ECPAS: variants seen among roughly 807,000 people sequenced by gnomAD.
The protein encoded by ECPAS is proteasome adapter and scaffold protein ECM29.
ECPAS carries 70 observed loss-of-function variants against 255.1 expected under a neutral mutation model. The observed-to-expected ratio is 0.27, with a 90% CI of 0.23 to 0.33. ECPAS has a LOEUF of 0.33. ECPAS is among the 10% of genes least tolerant of loss of function. The pLI is 1.00. For missense variants in ECPAS, 1,817 were observed against 2,206.4 expected (o/e 0.82, Z 3.54); for synonymous variants, 784 against 775.0 (o/e 1.01, Z -0.19).
At chr9:111,432,004 TTAG>T (rs1269667641) in intron 8 of ECPAS, among the ~76,000 whole-genome samples, 1 of 152,210 alleles carries the variant, frequency 6.6e-6, no homozygotes, top group African/African-American at 2.4e-5. Flanking sequence ...AACTAAAAAC[TTAG>T]TAGTAATTAA....
chr9:111,367,255 G>C (rs1023516205), intron 46 of ECPAS, among the ~76,000 whole-genome samples: 4 of 152,016 alleles, frequency 2.6e-5, no homozygotes, highest in African/African-American at 9.7e-5. Context: ...AATGGGGGGA[G>C]GCAATAAAAA....
intron 30 of ECPAS, 30 bp from the exon 31 acceptor site, chr9:111,389,753 T>C: frequency 6.3e-7 from 1 of 1,576,500 alleles, no homozygotes; most frequent in Non-Finnish European, 8.6e-7. Context: ...GTGACTCAGA[T>C]GCACCATTAT....
intron 23 of ECPAS, among the ~76,000 whole-genome samples, chr9:111,409,707 T>C (rs1238540704): frequency 6.7e-6 from 1 of 150,028 alleles, no homozygotes; most frequent in East Asian, 1.9e-4. Context: ...TGGCCTAAAA[T>C]AAAAAAAAAA....
chr9:111,444,245 A>C, intron 4 of ECPAS, 133 bp downstream of exon 4: 1 of 601,776 alleles, frequency 1.7e-6, no homozygotes, highest in Non-Finnish European at 2.9e-6. Context: ...ATTTAAAAAA[A>C]AAAAAAACTC....
intron 24 of ECPAS, among the ~76,000 whole-genome samples, chr9:111,404,869 T>G (rs1207709459): frequency 8.8e-6 from 1 of 113,664 alleles, no homozygotes; most frequent in African/African-American, 3.5e-5. Flanking sequence ...AAGCAAAAGA[T>G]CTCTGTACTG....
At chr9:111,460,681 C>T (rs148666478) in intron 2 of ECPAS, among the ~76,000 whole-genome samples, 1 of 152,018 alleles carries the variant, frequency 6.6e-6, no homozygotes, top group African/African-American at 2.4e-5. Context: ...TTTGAAAACA[C>T]CTATTACAAT....
chr9:111,370,281 CAT>C (rs2098125725), intron 45 of ECPAS, among the ~76,000 whole-genome samples, 152 bp downstream of exon 45: 2 of 152,238 alleles, frequency 1.3e-5, no homozygotes, highest in South Asian at 2.1e-4. Context: ...TTGTGAGAAA[CAT>C]AGCATTGACT....
Position 111,370,501 on chromosome 9 carries a change from G to C in ECPAS, c.4908C>G (p.Ile1636Met). 3 of 1,611,684 alleles carry C rather than the reference G, an allele frequency of 1.9e-6. No individual in the cohort carries two copies. The highest frequency in any genetic ancestry group is 2.5e-6 in the Non-Finnish European group (3 of 1,178,888). Reference sequence around the variant, plus strand: ...ATCTGTCCTCTTTGGTGGCCTTCAAGATATCAGCTGCACAGCTGATTGCTA... The same window carrying C: ...ATCTGTCCTCTTTGGTGGCCTTCAACATATCAGCTGCACAGCTGATTGCTA... ...KIVAISCAADILKATKEDRFQ... is the reference protein window; with the variant it reads ...KIVAISCAADMLKATKEDRFQ... Residue 1636 changes from isoleucine (I) to methionine (M), a missense_variant, in exon 45 of 50, where the codon ATC becomes ATG. Transcript: ENST00000684092.
Position 111,410,221 on chromosome 9 carries a change from C to T in ECPAS, c.2378-8G>A. On this transcript the variant is annotated splice_region_variant and splice_polypyrimidine_tract_variant and intron_variant, in intron 22 of 49. Transcript: ENST00000684092. ...TACTGTCCAAAAATGAGCCTGTAAGCACATTTAGCCAAAAAGAGAATTACA... is the reference window on the plus strand; with the variant it reads ...TACTGTCCAAAAATGAGCCTGTAAGTACATTTAGCCAAAAAGAGAATTACA... 6.2e-7 allele frequency: 1 copy of T among 1,601,770 alleles called. No individual in the cohort carries two copies. The highest frequency in any genetic ancestry group is 8.5e-7 in the Non-Finnish European group (1 of 1,174,690).
In ECPAS at chr9:111,410,984, T is replaced by G. The variant is rs368643962; in HGVS notation, c.2373A>C (p.Thr791=). The G allele has an allele frequency of 3.1e-5, 50 of 1,612,536 alleles. No homozygotes were observed. Among genetic ancestry groups the G allele is most frequent in the African/African-American group, 1.3e-5 (1 of 74,820 alleles). ...QEELIQSATE[T]IGSFLDSTSP... Reference sequence around the variant, plus strand: ...CGACATAAAGACATTAATTACCTATTGTTTCTGTAGCACTCTGAATGAGTT... The same window carrying G: ...CGACATAAAGACATTAATTACCTATGGTTTCTGTAGCACTCTGAATGAGTT... The change falls in exon 22 of 50, where the codon ACA becomes ACC. Residue 791 remains threonine (T), a synonymous_variant. Transcript: ENST00000684092.
chr9:111,412,346 G>A (rs934897757), intron 20 of ECPAS, among the ~76,000 whole-genome samples, 198 bp from the exon 21 acceptor site: 1 of 152,132 alleles, frequency 6.6e-6, no homozygotes, highest in Non-Finnish European at 1.5e-5. Flanking sequence ...AGATACACAA[G>A]TACAAAACAG....
chr9:111,384,641 T>A (rs2098145206), intron 33 of ECPAS, 72 bp from the exon 34 acceptor site: 1 of 1,362,100 alleles, frequency 7.3e-7, no homozygotes, highest in Admixed American at 1.7e-5. Context: ...AATTTGCAAT[T>A]TAATTGCCTC....
chr9:111,483,778 A>AGCCGCT (rs546614826), intron 1 of ECPAS: 122 of 178,490 alleles, frequency 6.8e-4, no homozygotes, highest in African/African-American at 1.5e-3. Flanking sequence ...GCCTCTGCGG[A>AGCCGCT]GCCGCTGCCG....
chr9:111,417,970 T>C lies in ECPAS; in HGVS notation c.1596A>G (p.Leu532=), dbSNP rs762559977. 3 of 1,607,864 alleles carry C rather than the reference T, an allele frequency of 1.9e-6. No individual in the cohort carries two copies. Among genetic ancestry groups the C allele is most frequent in the Non-Finnish European group, 2.5e-6 (3 of 1,177,154 alleles). The part of the protein sequence containing the change: ...EEVHGEAQRV[L]RCLPGRNRKE... ...TTCTGTTTCTACCTGGAAGACACCT[T>C]AATACGCGTTGTGCTTCTCCATGAA... The change falls in exon 17 of 50, where the codon TTA becomes TTG. Residue 532 remains leucine (L), a synonymous_variant. Transcript: ENST00000684092.
In ECPAS at chr9:111,483,747, C is replaced by G. The variant is rs1165979551; in HGVS notation, c.-83+369G>C. ...TCGCTGCCCCCGCGAGCTCGCGACTCGGGCGCTCCCGCAGCCTCGCGCCTC... is the reference window on the plus strand; with the variant it reads ...TCGCTGCCCCCGCGAGCTCGCGACTGGGGCGCTCCCGCAGCCTCGCGCCTC... On this transcript the variant is annotated intron_variant, in intron 1 of 49. Transcript: ENST00000684092. 4 of 162,420 alleles carry G rather than the reference C, an allele frequency of 2.5e-5. No individual in the cohort carries two copies. In the Admixed American group the frequency reaches 2.7e-4, roughly 11 times the overall value. 10.1% of individuals were successfully genotyped at this position (162,420 alleles called of 1,614,324 possible).
rs192411763 is a variant in ECPAS, at chr9:111,406,373, C to T, written c.2652+2198G>A. 2.5e-4 allele frequency among the ~76,000 whole-genome samples: 37 copies of T among 149,396 alleles called. 1 individual carries two copies. Among genetic ancestry groups the T allele is most frequent in the African/African-American group, 2.0e-4 (8 of 39,322 alleles). ...AGAGGCCAGGAAAGGTACTGGAGAA[C>T]GGGGAAAGAGAGCTTGGCTAATGGG... On this transcript the variant is annotated intron_variant, in intron 24 of 49. Coordinates refer to ENST00000684092, the MANE Select transcript of ECPAS (RefSeq NM_001364929.1).
At chr9:111,427,544 G>A (rs2098223572) in intron 10 of ECPAS, among the ~76,000 whole-genome samples, 1 of 152,176 alleles carries the variant, frequency 6.6e-6, no homozygotes, top group Admixed American at 6.5e-5. Flanking sequence ...GATCAGAAGT[G>A]TTTTGAGATT....
At chr9:111,418,031 TA>T in intron 16 of ECPAS, 25 bp from the exon 17 acceptor site, 3 of 1,556,512 alleles carry the variant, frequency 1.9e-6, no homozygotes, top group Non-Finnish European at 2.6e-6. Context: ...CAAATAAGAA[TA>T]AAAAATAAAT....
rs554087988 is a variant in ECPAS at position 111,392,969 on chromosome 9, C to T, written c.2978-87G>A. ...ATCAAAATTTTTAAAGTTATGTTGA[C>T]ACTGACCCAAAATGATATCAAAGTA... On this transcript the variant is annotated intron_variant, in intron 27 of 49. Coordinates refer to ENST00000684092, the MANE Select transcript of ECPAS (RefSeq NM_001364929.1). The T allele has an allele frequency of 4.6e-5, 33 of 719,364 alleles. No homozygotes were observed. In the East Asian group the frequency reaches 8.3e-4, roughly 18 times the overall value. 44.6% of individuals were successfully genotyped at this position (719,364 alleles called of 1,614,324 possible).
Sources: allele counts gnomAD v4.1 joint callset (sites outside exome capture counted in the v4.1 genomes callset), GRCh38; gene constraint gnomAD v4.1.1; transcripts MANE v1.5; gene names NCBI Gene and HGNC (gene_info 2026-07-23, HGNC 2026-07-21).